Variants in SRGAP1 observed in about 807,000 individuals in gnomAD.
SRGAP1 encodes the protein SLIT-ROBO Rho GTPase activating protein 1, also known as SLIT-ROBO Rho GTPase-activating protein 1.
A neutral mutation model predicts 121.9 loss-of-function variants in SRGAP1; 43 were observed. The observed-to-expected ratio is 0.35, with a 90% CI of 0.28 to 0.46. The LOEUF (loss-of-function observed/expected upper bound fraction) is 0.46, where lower values mean the gene tolerates loss of function less well. Ranked by LOEUF, SRGAP1 falls within the 20% of genes least tolerant of loss-of-function variation. The pLI is 1.00. For synonymous variants in SRGAP1, 447 were observed against 485.4 expected, an observed-to-expected ratio of 0.92 and a Z score of 1.04; for missense variants, 1,102 against 1,350.9, an observed-to-expected ratio of 0.82 and a Z score of 2.89.
chr12:63,943,939 G>GA (rs1416715094), intron 1 of SRGAP1, among the ~76,000 whole-genome samples: 2 of 152,142 alleles, frequency 1.3e-5, no homozygotes, highest in African/African-American at 4.8e-5. Context: ...TATAATTCAG[G>GA]AAAAATACCA....
At chr12:64,000,273 TGTA>T (rs1394621291) in intron 3 of SRGAP1, among the ~76,000 whole-genome samples, 70 of 147,180 alleles carry the variant, frequency 4.8e-4, no homozygotes, top group African/African-American at 1.5e-3. Context: ...TGTGTGTGTG[TGTA>T]AAAAAAAAAA....
At chr12:64,007,386 T>C (rs2136448161) in intron 3 of SRGAP1, among the ~76,000 whole-genome samples, 1 of 152,126 alleles carries the variant, frequency 6.6e-6, no homozygotes, top group East Asian at 1.9e-4. Flanking sequence ...CAGTTCACAG[T>C]AGGGTTTGTG....
At chr12:63,955,173 G>C (rs1410511215) in intron 1 of SRGAP1, among the ~76,000 whole-genome samples, 1 of 152,080 alleles carries the variant, frequency 6.6e-6, no homozygotes, top group Non-Finnish European at 1.5e-5. Flanking sequence ...CAAAGAATTA[G>C]CCAGGTGTGG....
Position 64,115,832 on chromosome 12 carries a change from G to T in SRGAP1, c.2163G>T (p.Glu721Asp), listed in dbSNP as rs766672592. 4 of 1,613,466 alleles carry T rather than the reference G, an allele frequency of 2.5e-6. No homozygotes were observed. The highest frequency in any genetic ancestry group is 3.4e-6 in the Non-Finnish European group (4 of 1,179,694). The change falls in exon 18 of 22, where the codon GAG becomes GAT. Residue 721 changes from glutamate (E) to aspartate (D), a missense_variant. By Grantham distance (45) the Glu-to-Asp change is conservative (BLOSUM62 2). Transcript: ENST00000355086. ...TCTACAGCGACAGCCCATACAGTGAGCACGGTACATTGGAGGAAGTGGACC... is the reference window on the plus strand; with the variant it reads ...TCTACAGCGACAGCCCATACAGTGATCACGGTACATTGGAGGAAGTGGACC... ...GDDYCDSPYS[E>D]HGTLEEVDQD...
chr12:64,066,195 G>A (rs1329054951), intron 8 of SRGAP1, among the ~76,000 whole-genome samples: 1 of 152,198 alleles, frequency 6.6e-6, no homozygotes, highest in African/African-American at 2.4e-5. Flanking sequence ...ATTTCTTCAT[G>A]TGTGTTGGTA....
At chr12:63,881,579 A>T (rs1033519843) in intron 1 of SRGAP1, among the ~76,000 whole-genome samples, 1 of 152,216 alleles carries the variant, frequency 6.6e-6, no homozygotes, top group African/African-American at 2.4e-5. Flanking sequence ...AAGTAATAAT[A>T]GTACTGAGGC....
chr12:64,117,176 T>C (rs2036536656), intron 18 of SRGAP1, among the ~76,000 whole-genome samples: 1 of 152,126 alleles, frequency 6.6e-6, no homozygotes, highest in African/African-American at 2.4e-5. Flanking sequence ...TCTCCAGAAA[T>C]TGGCTAACCC....
intron 12 of SRGAP1, among the ~76,000 whole-genome samples, chr12:64,093,624 T>C (rs1374897947): frequency 1.3e-5 from 2 of 152,152 alleles, no homozygotes; most frequent in Non-Finnish European, 2.9e-5. Context: ...ACATATTCAG[T>C]AAGTTATGAT....
chr12:63,874,024 C>A (rs1469843406), intron 1 of SRGAP1, among the ~76,000 whole-genome samples: 1 of 150,598 alleles, frequency 6.6e-6, no homozygotes, highest in African/African-American at 2.4e-5. Flanking sequence ...CTGAGCGAGA[C>A]TCTGTCAGAA....
chr12:64,125,088 C>A (rs924427234), intron 18 of SRGAP1, among the ~76,000 whole-genome samples: 2 of 152,182 alleles, frequency 1.3e-5, no homozygotes, highest in African/African-American at 2.4e-5. Context: ...CCTTGTGCTA[C>A]CTTTTGTAGC....
At chr12:63,863,377 A>G (rs1819717570) in intron 1 of SRGAP1, among the ~76,000 whole-genome samples, 1 of 151,180 alleles carries the variant, frequency 6.6e-6, no homozygotes, top group South Asian at 2.1e-4. Context: ...GGTTCAAGCA[A>G]TTTTCATACC....
chr12:64,012,108 T>C (rs545144646), intron 3 of SRGAP1, among the ~76,000 whole-genome samples: 1 of 152,320 alleles, frequency 6.6e-6, no homozygotes, highest in South Asian at 2.1e-4. Context: ...GTCCTTCTAT[T>C]CTCTTATTTC....
Position 64,125,973 on chromosome 12 carries a change from G to C in SRGAP1, c.2225-4G>C. 6.2e-7 allele frequency: 1 copy of C among 1,613,544 alleles called. No homozygotes were observed. The highest frequency in any genetic ancestry group is 8.5e-7 in the Non-Finnish European group (1 of 1,179,630). ...CTCGCTGTTTTCTGGTGTGTTCGTT[G>C]TAGAATGTGAGCCAATAGAAGCAAT... On this transcript the variant is annotated splice_polypyrimidine_tract_variant and splice_region_variant and intron_variant, in intron 18 of 21. Transcript: ENST00000355086.
intron 4 of SRGAP1, among the ~76,000 whole-genome samples, chr12:64,033,476 G>T (rs1482498968): frequency 6.6e-6 from 1 of 152,068 alleles, no homozygotes; most frequent in East Asian, 1.9e-4. Context: ...CAGCACTTTG[G>T]GAGGCTGTGG....
At chr12:64,024,388 G>A (rs956302355) in intron 4 of SRGAP1, among the ~76,000 whole-genome samples, 3 of 152,148 alleles carry the variant, frequency 2.0e-5, no homozygotes, top group South Asian at 2.1e-4. Flanking sequence ...CCATGATTGC[G>A]CTACTGCGCT....
chr12:63,884,783 G>A (rs964261684), intron 1 of SRGAP1, among the ~76,000 whole-genome samples: 2 of 147,232 alleles, frequency 1.4e-5, no homozygotes, highest in African/African-American at 2.5e-5. Context: ...GTGAAGTGGC[G>A]CGATCTCGGC....
At chr12:64,055,276 C>G (rs2035318813) in intron 6 of SRGAP1, among the ~76,000 whole-genome samples, 1 of 140,762 alleles carries the variant, frequency 7.1e-6, no homozygotes, top group African/African-American at 2.7e-5. Flanking sequence ...GAATAAAATA[C>G]CTAGGAATCC....
chr12:63,973,037 C>T (rs1371530097), intron 1 of SRGAP1, among the ~76,000 whole-genome samples: 6 of 152,122 alleles, frequency 3.9e-5, no homozygotes, highest in Non-Finnish European at 7.3e-5. Context: ...ATCCCAGCTA[C>T]ATGGGAGGCT....
Position 64,065,153 on chromosome 12 carries a change from A to G in SRGAP1, c.1059A>G (p.Ala353=), listed in dbSNP as rs767288043. 1 of 1,613,758 alleles carries G rather than the reference A, an allele frequency of 6.2e-7. No homozygotes were observed. The highest frequency in any genetic ancestry group is 1.7e-5 in the Admixed American group (1 of 59,970). ...TCAGTGCCCAGCAGCCAGTCCAGGC[A>G]GAGCTCATGCTCAGGTACCAACAGT... ...CQVSAQQPVQ[A]ELMLRYQQLQ... Residue 353 remains alanine (A), a synonymous_variant, in exon 8 of 22, where the codon GCA becomes GCG. Transcript: ENST00000355086.
Sources: allele counts gnomAD v4.1 joint callset (sites outside exome capture counted in the v4.1 genomes callset), GRCh38; gene constraint gnomAD v4.1.1; transcripts MANE v1.5; gene names NCBI Gene and HGNC (gene_info 2026-07-23, HGNC 2026-07-21).